The following SGCG variants were observed in gnomAD, a reference collection of about 807,000 sequenced individuals.
The protein encoded by SGCG is gamma-sarcoglycan.
A neutral mutation model predicts 29.3 loss-of-function variants in SGCG; 26 were observed. The observed-to-expected ratio is 0.89, with a 90% CI of 0.65 to 1.23. The LOEUF (loss-of-function observed/expected upper bound fraction) is 1.23, where lower values mean the gene tolerates loss of function less well. Ranked by LOEUF, SGCG falls within the 50% of genes most tolerant of loss-of-function variation. The probability of loss-of-function intolerance (pLI) is 0.00; values close to 1 mark genes in which losing one functional copy is unlikely to be tolerated. For synonymous variants in SGCG, 145 were observed against 129.7 expected (o/e 1.12, Z -0.80); for missense variants, 353 against 356.0 (o/e 0.99, Z 0.07).
intron 2 of SGCG, among the ~76,000 whole-genome samples, chr13:23,231,480 G>GT (rs1218782707): frequency 6.6e-6 from 1 of 151,932 alleles, no homozygotes; most frequent in Non-Finnish European, 1.5e-5. Flanking sequence ...TAACATTAGG[G>GT]TTTTTTTGGT....
At chr13:23,267,254 A>G (rs918322255) in intron 4 of SGCG, among the ~76,000 whole-genome samples, 1 of 152,220 alleles carries the variant, frequency 6.6e-6, no homozygotes, top group East Asian at 1.9e-4. Flanking sequence ...CCAACTGCCT[A>G]GCAGCCTGAT....
At chr13:23,290,510 A>T (rs114387534) in intron 5 of SGCG, among the ~76,000 whole-genome samples, 498 of 152,316 alleles carry the variant, frequency 3.3e-3, no homozygotes, top group African/African-American at 0.011. Flanking sequence ...CATTGGATTT[A>T]TTATTACGGA....
chr13:23,293,516 GA>G (rs1408299203), intron 5 of SGCG, among the ~76,000 whole-genome samples: 5 of 152,114 alleles, frequency 3.3e-5, no homozygotes, highest in Non-Finnish European at 4.4e-5. Context: ...ATACTGTGGA[GA>G]AAATGTGAAG....
chr13:23,204,595 CTTTTCTTTCTTTT>C (rs1351312832), intron 2 of SGCG, among the ~76,000 whole-genome samples: 1 of 131,408 alleles, frequency 7.6e-6, no homozygotes, highest in Non-Finnish European at 1.8e-5. Flanking sequence ...TCTTTTCTTT[CTTTTCTTTCTTTT>C]CTTTCTTTTC....
chr13:23,183,847 T>C (rs1876850717), intron 1 of SGCG, among the ~76,000 whole-genome samples: 1 of 152,116 alleles, frequency 6.6e-6, no homozygotes, highest in African/African-American at 2.4e-5. Context: ...TTTGTATTTT[T>C]AGTAGAGACG....
intron 1 of SGCG, among the ~76,000 whole-genome samples, chr13:23,193,488 T>C (rs1402295833): frequency 6.6e-6 from 1 of 151,688 alleles, no homozygotes; most frequent in Admixed American, 6.6e-5. Flanking sequence ...CCTCAGGATG[T>C]GGCAGGCAGG....
chr13:23,322,753 G>A (rs1397775313), intron 7 of SGCG, among the ~76,000 whole-genome samples: 1 of 9,998 alleles, frequency 1.0e-4, no homozygotes, highest in Admixed American at 1.4e-3. Context: ...TGCACAGACC[G>A]CCCCCCACCC....
At chr13:23,211,537 C>T (rs977025726) in intron 2 of SGCG, among the ~76,000 whole-genome samples, 6 of 152,324 alleles carry the variant, frequency 3.9e-5, no homozygotes, top group Non-Finnish European at 8.8e-5. Context: ...CTTACCTGCA[C>T]ATCACTTCTG....
At chr13:23,244,720 C>T (rs569535880) in intron 3 of SGCG, 4 of 152,258 alleles carry the variant, frequency 2.6e-5, no homozygotes, top group South Asian at 2.1e-4. Context: ...ATGTTGTGGG[C>T]TCAGACACCA....
Position 23,308,033 on chromosome 13 carries a change from CAAG to C in SGCG, c.578+12550_578+12552del, listed in dbSNP as rs1196893843. On this transcript the variant is annotated intron_variant, in intron 6 of 7. Coordinates refer to ENST00000218867, the MANE Select transcript of SGCG (RefSeq NM_000231.3). Reference sequence around the variant, plus strand: ...TACATTATGTTGTGGTCAAGTCTAACAAGAAGTGGATTGCTGAAGATCGTGAAT... The same window carrying C: ...TACATTATGTTGTGGTCAAGTCTAACAAGTGGATTGCTGAAGATCGTGAAT... Among the ~76,000 whole-genome samples, 4 of 152,318 alleles carry C rather than the reference CAAG, an allele frequency of 2.6e-5. No homozygotes were observed. The East Asian group carries it at 7.7e-4, about 29-fold the overall frequency.
intron 2 of SGCG, among the ~76,000 whole-genome samples, chr13:23,206,698 G>A (rs964770997): frequency 6.6e-6 from 1 of 151,888 alleles, no homozygotes; most frequent in African/African-American, 2.4e-5. Flanking sequence ...AAGGAAATTA[G>A]GAAAACAATG....
At chr13:23,181,990 T>A (rs1876754420) in intron 1 of SGCG, among the ~76,000 whole-genome samples, 1 of 152,110 alleles carries the variant, frequency 6.6e-6, no homozygotes, top group African/African-American at 2.4e-5. Flanking sequence ...GGGGTTCGTT[T>A]TATAGGTTCT....
intron 5 of SGCG, among the ~76,000 whole-genome samples, chr13:23,289,210 G>A (rs9510677): frequency 0.42 from 63,488 of 152,038 alleles, 14,423 homozygotes; most frequent in Middle Eastern, 0.65. Flanking sequence ...TGCACGCAGC[G>A]ATCAACGCCG....
chr13:23,256,021 A>G (rs1273290397), intron 4 of SGCG, among the ~76,000 whole-genome samples: 1 of 152,226 alleles, frequency 6.6e-6, no homozygotes, highest in Non-Finnish European at 1.5e-5. Context: ...TCTATAACCA[A>G]GGAACTCATA....
At position 23,234,851 on chromosome 13, in the gene SGCG, CT is replaced by C. The variant is rs1316385435; in HGVS notation, c.297+141del. 5 of 650,672 alleles carry C rather than the reference CT, an allele frequency of 7.7e-6. No individual in the cohort carries two copies. The African/African-American group carries it at 9.1e-5, about 12-fold the overall frequency. The allele number at this position is 650,672 out of a possible 1,614,324, so 40.3% of individuals were successfully genotyped here. On this transcript the variant is annotated intron_variant, in intron 3 of 7. Transcript: ENST00000218867. ...TTCATGATATGCTCTTTATAAAAAG[CT>C]TGACTATTGCAGAATTTATCTCTGA...
intron 6 of SGCG, among the ~76,000 whole-genome samples, chr13:23,310,731 C>T (rs1006262456): frequency 6.6e-6 from 1 of 151,768 alleles, no homozygotes; most frequent in African/African-American, 2.4e-5. Context: ...TCCTCTCCAC[C>T]CATATTTCCC....
At chr13:23,218,798 T>C (rs1253480527) in intron 2 of SGCG, among the ~76,000 whole-genome samples, 3 of 151,882 alleles carry the variant, frequency 2.0e-5, no homozygotes, top group African/African-American at 7.2e-5. Context: ...GGGACAACCT[T>C]ACTTTGTTGA....
At chr13:23,300,879 G>C (rs1341858966) in intron 6 of SGCG, among the ~76,000 whole-genome samples, 1 of 151,168 alleles carries the variant, frequency 6.6e-6, no homozygotes, top group Non-Finnish European at 1.5e-5. Flanking sequence ...ACTTTGGGAG[G>C]CCGAGGCGGG....
At chr13:23,272,222 C>G (rs1316485730) in intron 4 of SGCG, among the ~76,000 whole-genome samples, 3 of 152,090 alleles carry the variant, frequency 2.0e-5, no homozygotes, top group Non-Finnish European at 4.4e-5. Context: ...GATATCCTTG[C>G]CTTGTTTCCA....
Sources: gnomAD v4.1 joint callset for allele counts (sites outside exome capture counted in the v4.1 genomes callset) on GRCh38, gnomAD v4.1.1 for gene constraint, MANE v1.5 for transcripts, NCBI Gene and HGNC (gene_info 2026-07-23, HGNC 2026-07-21) for gene names.